The following CORIN variants were observed in gnomAD, a reference collection of about 807,000 sequenced individuals.
CORIN encodes corin, serine peptidase, also known as atrial natriuretic peptide-converting enzyme.
CORIN carries 117 observed loss-of-function variants against 125.3 expected under a neutral mutation model. The ratio of observed to expected loss-of-function variants is 0.93; its 90% CI spans 0.80 to 1.09. The LOEUF is 1.09. Among genes scored for constraint, CORIN ranks in the 50% least tolerant of loss-of-function variants. The probability of loss-of-function intolerance (pLI) is 0.00; values close to 1 mark genes in which losing one functional copy is unlikely to be tolerated. For synonymous variants in CORIN, 450 were observed against 466.4 expected, an observed-to-expected ratio of 0.96 and a Z score of 0.45; for missense variants, 1,253 against 1,306.7, an observed-to-expected ratio of 0.96 and a Z score of 0.63.
At chr4:47,626,565 T>A in intron 16 of CORIN, 44 bp from the exon 17 acceptor site, 1 of 1,151,524 alleles carries the variant, frequency 8.7e-7, no homozygotes. Flanking sequence ...AGTACAATGA[T>A]CTTTGAACAG....
intron 6 of CORIN, among the ~76,000 whole-genome samples, chr4:47,684,471 G>A (rs1404414689): frequency 6.6e-6 from 1 of 152,180 alleles, no homozygotes; most frequent in Non-Finnish European, 1.5e-5. Flanking sequence ...GGAAAATAAA[G>A]TCTTGTCCTT....
intron 3 of CORIN, among the ~76,000 whole-genome samples, chr4:47,764,005 G>A (rs529080818): frequency 2.6e-5 from 4 of 152,008 alleles, no homozygotes; most frequent in East Asian, 3.9e-4. Flanking sequence ...ATTTATCTAC[G>A]GGGATCTTGA....
At chr4:47,714,596 T>G (rs1296065655) in intron 5 of CORIN, among the ~76,000 whole-genome samples, 4 of 152,106 alleles carry the variant, frequency 2.6e-5, no homozygotes, top group Non-Finnish European at 5.9e-5. Flanking sequence ...AAGGGCCAGA[T>G]AGTAAATTGT....
At chr4:47,810,335 G>A (rs1732012580) in intron 1 of CORIN, among the ~76,000 whole-genome samples, 1 of 151,950 alleles carries the variant, frequency 6.6e-6, no homozygotes, top group African/African-American at 2.4e-5. Flanking sequence ...CAACAGGTAT[G>A]CACCAAACAT....
intron 1 of CORIN, among the ~76,000 whole-genome samples, chr4:47,823,095 G>A (rs761066912): frequency 6.6e-6 from 1 of 152,190 alleles, no homozygotes; most frequent in Non-Finnish European, 1.5e-5. Flanking sequence ...TTACAGGCGT[G>A]AGCCACCGTA....
chr4:47,827,789 C>G (rs532728526), intron 1 of CORIN, among the ~76,000 whole-genome samples: 32 of 152,304 alleles, frequency 2.1e-4, no homozygotes, highest in African/African-American at 7.2e-4. Context: ...CTGTGTCACA[C>G]TTCCTCAGCA....
At chr4:47,605,452 C>T (rs903087777) in intron 19 of CORIN, among the ~76,000 whole-genome samples, 5 of 152,166 alleles carry the variant, frequency 3.3e-5, no homozygotes, top group African/African-American at 1.2e-4. Context: ...TCCCTTCCTT[C>T]ACTCCCAGTC....
intron 1 of CORIN, among the ~76,000 whole-genome samples, chr4:47,822,271 G>A (rs536124798): frequency 6.6e-5 from 10 of 152,226 alleles, no homozygotes; most frequent in South Asian, 6.2e-4. Flanking sequence ...CTTCTGACCC[G>A]TTTGATACTC....
intron 3 of CORIN, among the ~76,000 whole-genome samples, chr4:47,767,240 G>A (rs1226948520): frequency 6.6e-6 from 1 of 151,840 alleles, no homozygotes; most frequent in Non-Finnish European, 1.5e-5. Context: ...AGATAAGGCA[G>A]AGAAGAACAA....
intron 10 of CORIN, among the ~76,000 whole-genome samples, chr4:47,672,449 T>G (rs1002427589): frequency 2.6e-5 from 4 of 152,198 alleles, no homozygotes; most frequent in Admixed American, 6.5e-5. Context: ...GTAAGTGTCA[T>G]TCCATGTCAA....
intron 4 of CORIN, among the ~76,000 whole-genome samples, chr4:47,747,741 C>T (rs1319317419): frequency 6.6e-6 from 1 of 152,174 alleles, no homozygotes; most frequent in Admixed American, 6.5e-5. Context: ...CACTCCTCCA[C>T]TGTTGAATCT....
chr4:47,605,440 C>T (rs957831698), intron 19 of CORIN, among the ~76,000 whole-genome samples: 28 of 152,142 alleles, frequency 1.8e-4, no homozygotes, highest in African/African-American at 6.5e-4. Context: ...TCACTCCCTC[C>T]ATCCCTTCCT....
intron 5 of CORIN, among the ~76,000 whole-genome samples, chr4:47,731,604 C>T (rs1239678037): frequency 6.6e-6 from 1 of 152,152 alleles, no homozygotes; most frequent in East Asian, 1.9e-4. Flanking sequence ...GGCACGGTGG[C>T]TCACGCCTGT....
At chr4:47,726,688 T>C (rs999455803) in intron 5 of CORIN, among the ~76,000 whole-genome samples, 1 of 152,054 alleles carries the variant, frequency 6.6e-6, no homozygotes, top group Non-Finnish European at 1.5e-5. Context: ...GTGAATTTCA[T>C]TGTATGGAAA....
chr4:47,823,791 G>C (rs1365063422), intron 1 of CORIN, among the ~76,000 whole-genome samples: 1 of 152,166 alleles, frequency 6.6e-6, no homozygotes, highest in Non-Finnish European at 1.5e-5. Flanking sequence ...GCTGCCATGT[G>C]GGCGCCATGC....
chr4:47,632,753 A>AGATAGAT (rs1553905935), intron 16 of CORIN, among the ~76,000 whole-genome samples: 1,477 of 118,812 alleles, frequency 0.012, 30 homozygotes, highest in African/African-American at 0.044. Context: ...ATAGATAGAT[A>AGATAGAT]GATAGATAGA....
intron 5 of CORIN, among the ~76,000 whole-genome samples, chr4:47,715,324 G>A (rs1210600229): frequency 6.6e-6 from 1 of 152,112 alleles, no homozygotes; most frequent in Non-Finnish European, 1.5e-5. Context: ...ATGATGTTGG[G>A]GCCAGGCCCA....
chr4:47,664,982 G>T, intron 11 of CORIN, 50 bp downstream of exon 11: 7 of 1,294,186 alleles, frequency 5.4e-6, no homozygotes, highest in Non-Finnish European at 6.7e-6. Flanking sequence ...TTCACCCCTT[G>T]GTTCTCTCTG....
At chr4:47,732,549 G>C (rs146100907) in intron 5 of CORIN, among the ~76,000 whole-genome samples, 1 of 151,822 alleles carries the variant, frequency 6.6e-6, no homozygotes, top group African/African-American at 2.4e-5. Context: ...TATGGTAGCT[G>C]GTTTAGTAAT....
Sources: allele counts gnomAD v4.1 joint callset (sites outside exome capture counted in the v4.1 genomes callset), GRCh38; gene constraint gnomAD v4.1.1; transcripts MANE v1.5; gene names NCBI Gene and HGNC (gene_info 2026-07-23, HGNC 2026-07-21).